Variants in METTL3 observed in about 807,000 individuals in gnomAD.
METTL3 encodes N(6)-adenosine-methyltransferase catalytic subunit METTL3.
Under a neutral mutation model 64.3 loss-of-function variants are expected in METTL3, and 42 were observed. The observed-to-expected ratio is 0.65, with a 90% CI of 0.51 to 0.84. The LOEUF is 0.84. METTL3 is among the 40% of genes least tolerant of loss of function. The pLI is 0.00. For missense variants in METTL3, 435 were observed against 722.3 expected (o/e 0.60, Z 4.56); for synonymous variants, 256 against 263.6 (o/e 0.97, Z 0.28).
rs199873317 is a variant in METTL3 at position 21,503,821 on chromosome 14, G to C, written c.161C>G (p.Thr54Ser). 6.2e-7 allele frequency: 1 copy of C among 1,614,252 alleles called. No homozygotes were observed. Among genetic ancestry groups the C allele is most frequent in the Admixed American group, 1.7e-5 (1 of 60,032 alleles). ...CTTAGGGCCACCAGAGGTGGGTGCA[G>C]TAGGCACTGGGCTGTCACTACGGAA... ...PTFRSDSPVP[T>S]APTSGGPKPS... Residue 54 changes from threonine (T) to serine (S), a missense_variant, in exon 2 of 11, where the codon ACT becomes AGT. Coordinates refer to ENST00000298717, the MANE Select transcript of METTL3 (RefSeq NM_019852.5).
At chr14:21,498,877 AAC>A (rs915734109) in intron 10 of METTL3, 146 bp downstream of exon 10, 2 of 620,206 alleles carry the variant, frequency 3.2e-6, no homozygotes, top group Non-Finnish European at 5.7e-6. Context: ...AATCTCATAA[AAC>A]AGTTTAAATA....
chr14:21,498,522 A>G, intron 10 of METTL3, 153 bp from the exon 11 acceptor site: 1 of 685,376 alleles, frequency 1.5e-6, no homozygotes, highest in Non-Finnish European at 2.4e-6. Flanking sequence ...ATATGGTAGA[A>G]TTACTAGTTC....
In METTL3 at chr14:21,505,065, G is replaced by T. The variant is rs533500755; in HGVS notation, c.101-1184C>A. On this transcript the variant is annotated intron_variant, in intron 1 of 10. Transcript: ENST00000298717. ...TCTCTGTAATCCCAGCACTGTGAGA[G>T]GCCAAGGTGGGAGGATCACTTGAGC... 3 of 152,296 alleles carry T rather than the reference G, an allele frequency of 2.0e-5. No individual in the cohort carries two copies. In the South Asian group the frequency reaches 6.2e-4, roughly 32 times the overall value. The allele number at this position is 152,296 out of a possible 1,614,324, so 9.4% of individuals were successfully genotyped here.
At chr14:21,502,926 CT>C (rs1485614234) in intron 3 of METTL3, 1 of 460,674 alleles carries the variant, frequency 2.2e-6, no homozygotes, top group Non-Finnish European at 3.9e-6. Context: ...GTTTGTCCCA[CT>C]ATGCACTGTA....
chr14:21,503,926 G>C, intron 1 of METTL3, 45 bp from the exon 2 acceptor site: 1 of 1,565,760 alleles, frequency 6.4e-7, no homozygotes, highest in Admixed American at 1.7e-5. Flanking sequence ...AACCACTGTT[G>C]GTCTATATAT....
intron 1 of METTL3, 77 bp downstream of exon 1, chr14:21,511,047 G>A: frequency 6.6e-7 from 1 of 1,519,378 alleles, no homozygotes; most frequent in Non-Finnish European, 8.9e-7. Flanking sequence ...AAAGGGCAGT[G>A]ACTCTGGAGC....
At chr14:21,506,874 A>G (rs2139649258) in intron 1 of METTL3, among the ~76,000 whole-genome samples, 1 of 152,246 alleles carries the variant, frequency 6.6e-6, no homozygotes, top group Non-Finnish European at 1.5e-5. Context: ...CCCAAAAAAT[A>G]CTAAAAATTA....
rs1455261335 is a variant in METTL3, at chr14:21,501,087, G to A, written c.942C>T (p.Cys314=). The A allele has an allele frequency of 1.9e-6, 3 of 1,614,032 alleles. No homozygotes were observed. The highest frequency in any genetic ancestry group is 2.5e-6 in the Non-Finnish European group (3 of 1,180,002). The change falls in exon 5 of 11, where the codon TGC becomes TGT. Residue 314 remains cysteine, a synonymous_variant. Transcript: ENST00000298717. ...NKHTDESLGD[C]SFLNTCFHMD... ...TGTGGAAACATGTATTAAGGAAAGA[G>A]CAGTCACCTAAAGACTCATCAGTGT... is the stretch of plus-strand genomic sequence containing the variant.
In METTL3 at chr14:21,500,575, G is replaced by GGTCCCATA; in HGVS notation, c.1216_1223dup (p.Leu409MetfsTer4). 1 of 1,614,014 alleles carries GGTCCCATA rather than the reference G, an allele frequency of 6.2e-7. No homozygotes were observed. The highest frequency in any genetic ancestry group is 1.1e-5 in the South Asian group (1 of 91,084). On this transcript the variant is annotated frameshift_variant, in exon 6 of 11. Coordinates refer to ENST00000298717, the MANE Select transcript of METTL3 (RefSeq NM_019852.5). LOFTEE classifies it high-confidence loss of function. ...GCCTGCGCATCTCATCATCTGTCAG[G>GGTCCCATA]GTCCCATAGGGCAGTTCCATGTGAA... is the stretch of plus-strand genomic sequence containing the variant.
At chr14:21,501,381 TG>T (rs1322080610) in intron 4 of METTL3, 16 of 554,908 alleles carry the variant, frequency 2.9e-5, no homozygotes, top group African/African-American at 9.4e-5. Flanking sequence ...GCAGGAGACT[TG>T]GGTAGAACAG....
chr14:21,505,101 C>T (rs956594227), intron 1 of METTL3, among the ~76,000 whole-genome samples: 2 of 151,960 alleles, frequency 1.3e-5, no homozygotes, highest in African/African-American at 4.8e-5. Flanking sequence ...CCAGGAGTTC[C>T]AGACCAGCCA....
rs775686509 is a variant in METTL3 at position 21,500,955 on chromosome 14, ACT to A, written c.1072_1073del (p.Ser358CysfsTer4). On this transcript the variant is annotated frameshift_variant, in exon 5 of 11. Transcript: ENST00000298717. LOFTEE classifies it high-confidence loss of function. ...GGTCTGCACTGGAATCACCTCCGAC[ACT>A]CTGTGTAAGAGCAAGCTCCTGGCTT... is the stretch of plus-strand genomic sequence containing the variant. Reference protein sequence around the residue: ...TPSQELALTQSVGGDSSADRL... With the variant: ...TPSQELALTQXVGGDSSADRL... The A allele has an allele frequency of 2.3e-5, 37 of 1,613,858 alleles. No individual in the cohort carries two copies. The highest frequency in any genetic ancestry group is 2.2e-5 in the East Asian group (1 of 44,884).
rs372393450 is a variant in METTL3 at position 21,503,842 on chromosome 14, C to T, written c.140G>A (p.Arg47His). Reference sequence around the variant, plus strand: ...TGCAGTAGGCACTGGGCTGTCACTACGGAAGGTTGGAGACAATGCTGCCTC... The same window carrying T: ...TGCAGTAGGCACTGGGCTGTCACTATGGAAGGTTGGAGACAATGCTGCCTC... Reference protein sequence around the residue: ...NPEAALSPTFRSDSPVPTAPT... With the variant: ...NPEAALSPTFHSDSPVPTAPT... The change falls in exon 2 of 11, where the codon CGT becomes CAT. Residue 47 changes from arginine (R) to histidine (H), a missense_variant. By Grantham distance (29) the Arg-to-His change is conservative. This residue lies in a region of METTL3 where 228 missense variants were observed against 279.6 expected (regional missense o/e 0.82). Coordinates refer to ENST00000298717, the MANE Select transcript of METTL3 (RefSeq NM_019852.5). 17 of 1,614,130 alleles carry T rather than the reference C, an allele frequency of 1.1e-5. No homozygotes were observed. The highest frequency in any genetic ancestry group is 6.7e-5 in the Admixed American group (4 of 60,024).
chr14:21,501,612 C>T (rs1891569539), intron 4 of METTL3, 116 bp downstream of exon 4: 1 of 1,363,070 alleles, frequency 7.3e-7, no homozygotes, highest in East Asian at 2.4e-5. Context: ...GGAGGACTTA[C>T]ACAAACCATA....
At position 21,503,863 on chromosome 14, in the gene METTL3, GC is replaced by G. The variant is rs1891633367; in HGVS notation, c.118del (p.Ala40GlnfsTer33). The G allele has an allele frequency of 1.9e-6, 3 of 1,614,130 alleles. No individual in the cohort carries two copies. Among genetic ancestry groups the G allele is most frequent in the Non-Finnish European group, 1.7e-6 (2 of 1,180,016 alleles). ...SGHLDLRNPE[A>X]ALSPTFRSDS... The stretch of plus-strand genomic sequence containing the variant: ...ACTACGGAAGGTTGGAGACAATGCT[GC>G]CTCTGGATTCCGTAGATCTAAGAAT... On this transcript the variant is annotated frameshift_variant, in exon 2 of 11. Coordinates refer to ENST00000298717, the MANE Select transcript of METTL3 (RefSeq NM_019852.5). LOFTEE classifies it high-confidence loss of function.
Position 21,510,815 on chromosome 14 carries a change from G to A in METTL3, c.100+309C>T, listed in dbSNP as rs757307044. On this transcript the variant is annotated intron_variant, in intron 1 of 10. Transcript: ENST00000298717. ...GGTTCTTGCTGCTTCGCGGGATAGG[G>A]GGCTGAGCAGCCTCACAAAGGCGAC... 1.4e-4 allele frequency: 48 copies of A among 336,424 alleles called. No homozygotes were observed. The Middle Eastern group carries it at 2.6e-3, about 18-fold the overall frequency. 20.8% of individuals were successfully genotyped at this position (336,424 alleles called of 1,614,324 possible).
At chr14:21,506,939 C>G (rs1010430278) in intron 1 of METTL3, among the ~76,000 whole-genome samples, 5 of 152,112 alleles carry the variant, frequency 3.3e-5, no homozygotes, top group Non-Finnish European at 7.3e-5. Context: ...TGCCACCACA[C>G]CTGGCTAATT....
At chr14:21,506,136 A>G (rs944709623) in intron 1 of METTL3, among the ~76,000 whole-genome samples, 1 of 152,152 alleles carries the variant, frequency 6.6e-6, no homozygotes, top group Non-Finnish European at 1.5e-5. Flanking sequence ...TCTTTTTAAA[A>G]AAATATACTT....
chr14:21,509,015 T>C (rs1594446435), intron 1 of METTL3, among the ~76,000 whole-genome samples: 1 of 152,164 alleles, frequency 6.6e-6, no homozygotes, highest in African/African-American at 2.4e-5. Flanking sequence ...TAGTCAATGA[T>C]GTAGTACACC....
Sources: allele counts gnomAD v4.1 joint callset (sites outside exome capture counted in the v4.1 genomes callset), GRCh38; gene constraint gnomAD v4.1.1; regional missense constraint gnomAD v4.1.1; transcripts MANE v1.5; gene names NCBI Gene and HGNC (gene_info 2026-07-23, HGNC 2026-07-21).